GARS1: variants seen among roughly 807,000 people sequenced by gnomAD.
The protein encoded by GARS1 is glycyl-tRNA synthetase 1.
In GARS1, 46 loss-of-function variants were observed where a neutral mutation model predicts 86.4. The observed-to-expected ratio is 0.53, with a 90% CI of 0.42 to 0.68. The LOEUF (loss-of-function observed/expected upper bound fraction) is 0.68. GARS1 is among the 30% of genes least tolerant of loss of function. GARS1 has a pLI of 0.00. For missense variants in GARS1, 797 were observed against 915.6 expected (o/e 0.87, Z 1.67); for synonymous variants, 342 against 329.8 (o/e 1.04, Z -0.40).
chr7:30,612,836 G>T lies in GARS1; in HGVS notation c.1031+591G>T, dbSNP rs1404534172. On this transcript the variant is annotated intron_variant, in intron 8 of 16. Transcript: ENST00000389266. Reference sequence around the variant, plus strand: ...CCTACTTTTGTCTGATCTATCCAGGGATGTGTGGGAAGGCATATTGGGGCT... The same window carrying T: ...CCTACTTTTGTCTGATCTATCCAGGTATGTGTGGGAAGGCATATTGGGGCT... 4.6e-5 allele frequency among the ~76,000 whole-genome samples: 7 copies of T among 152,272 alleles called. No individual in the cohort carries two copies. In the East Asian group the frequency reaches 1.2e-3, roughly 25 times the overall value.
intron 16 of GARS1, 92 bp from the exon 17 acceptor site, chr7:30,633,643 T>C: frequency 6.8e-7 from 1 of 1,468,768 alleles, no homozygotes; most frequent in Non-Finnish European, 9.5e-7. Flanking sequence ...ATTGTTTGGC[T>C]CTGTGTAAGG....
chr7:30,603,361 G>T, intron 5 of GARS1, 135 bp from the exon 6 acceptor site: 1 of 794,276 alleles, frequency 1.3e-6, no homozygotes, highest in Non-Finnish European at 2.1e-6. Flanking sequence ...GACTGCTGTT[G>T]TAAAATCAAC....
rs888805042 is a variant in GARS1 at position 30,600,040 on chromosome 7, A to G, written c.418A>G (p.Ile140Val). The change falls in exon 3 of 17, where the codon ATT becomes GTT. Residue 140 changes from isoleucine to valine, a missense_variant. Physicochemically the swap from Ile to Val is conservative, Grantham distance 29 (BLOSUM62 3). Coordinates refer to ENST00000389266, the MANE Select transcript of GARS1 (RefSeq NM_002047.4). ...RRFFYDQAFA[I>V]YGGVSGLYDF... ...GTTTTTCTATGATCAAGCTTTTGCT[A>G]TTTATGGAGGTAAGGGATTAATGAC... is the stretch of plus-strand genomic sequence containing the variant. 4 of 1,609,710 alleles carry G rather than the reference A, an allele frequency of 2.5e-6. No homozygotes were observed. Among genetic ancestry groups the G allele is most frequent in the African/African-American group, 2.7e-5 (2 of 74,862 alleles).
chr7:30,617,353 G>A (rs1263233806), intron 10 of GARS1, 75 bp downstream of exon 10: 13 of 1,507,508 alleles, frequency 8.6e-6, no homozygotes, highest in Non-Finnish European at 9.1e-7. Context: ...GAATTTTTGT[G>A]CACTTTATGT....
intron 7 of GARS1, among the ~76,000 whole-genome samples, chr7:30,611,855 T>G (rs941774932): frequency 3.3e-5 from 5 of 152,192 alleles, no homozygotes; most frequent in Non-Finnish European, 5.9e-5. Context: ...CTGGTGTAAT[T>G]AAATGAAATG....
chr7:30,621,979 G>A, intron 11 of GARS1: 1 of 378,072 alleles, frequency 2.6e-6, no homozygotes. Flanking sequence ...ATTTCTTAGG[G>A]GTAGGTCAGT....
intron 8 of GARS1, among the ~76,000 whole-genome samples, chr7:30,612,575 G>A (rs1305476640): frequency 7.0e-6 from 1 of 142,010 alleles, no homozygotes; most frequent in Non-Finnish European, 1.5e-5. Flanking sequence ...GGCAATACTG[G>A]CAATGGTGAT....
chr7:30,611,426 G>C (rs938099652), intron 7 of GARS1, among the ~76,000 whole-genome samples: 11 of 152,184 alleles, frequency 7.2e-5, no homozygotes, highest in Non-Finnish European at 1.2e-4. Flanking sequence ...CTGCCTCCAT[G>C]TACATGATGA....
rs1791554334 is a variant in GARS1, at chr7:30,609,595, A to G, written c.746A>G (p.Tyr249Cys). 1.2e-6 allele frequency: 2 copies of G among 1,612,976 alleles called. No individual in the cohort carries two copies. The highest frequency in any genetic ancestry group is 8.5e-7 in the Non-Finnish European group (1 of 1,179,168). ...MESVLAQLDN[Y>C]GQQELADLFV... ...TTATATGTCTTTTAGCTTGATAACT[A>G]TGGACAGCAAGAACTTGCGGATCTT... Residue 249 changes from tyrosine to cysteine, a missense_variant, in exon 7 of 17, where the codon TAT becomes TGT. Physicochemically the swap from Tyr to Cys is radical, Grantham distance 194. Around this residue, in one of 2 missense-constraint regions of GARS1, gnomAD observed 598 missense variants for 738.7 expected, o/e 0.81. Transcript: ENST00000389266.
chr7:30,618,286 C>T (rs557496436), intron 10 of GARS1, among the ~76,000 whole-genome samples: 17 of 152,188 alleles, frequency 1.1e-4, no homozygotes, highest in African/African-American at 4.1e-4. Flanking sequence ...CTTTATGAGT[C>T]TCTGTCACAT....
intron 8 of GARS1, among the ~76,000 whole-genome samples, chr7:30,615,022 T>C (rs2128134342): frequency 6.6e-6 from 1 of 152,320 alleles, no homozygotes; most frequent in Admixed American, 6.5e-5. Flanking sequence ...GAAGAGAGAT[T>C]GATTTTGACT....
At chr7:30,631,640 A>G (rs940305890) in intron 15 of GARS1, 99 bp downstream of exon 15, 2 of 801,412 alleles carry the variant, frequency 2.5e-6, no homozygotes, top group African/African-American at 3.5e-5. Context: ...TAGACTGAAT[A>G]AAGAATATAA....
rs149478301 is a variant in GARS1, at chr7:30,611,514, C to T, written c.882-582C>T. Among the ~76,000 whole-genome samples the T allele has an allele frequency of 4.5e-4, 69 of 152,152 alleles. No homozygotes were observed. In the East Asian group the frequency reaches 0.013, roughly 29 times the overall value. ...GTTTGTTTGTTTTGAGATGGAGTTT[C>T]GCTCTTGTTGCCCAGGCTGGAGTGC... On this transcript the variant is annotated intron_variant, in intron 7 of 16. Transcript: ENST00000389266.
chr7:30,597,170 A>G (rs1162203968), intron 1 of GARS1, among the ~76,000 whole-genome samples: 1 of 152,172 alleles, frequency 6.6e-6, no homozygotes, highest in African/African-American at 2.4e-5. Flanking sequence ...ATATTAACAA[A>G]CGTGGATTTT....
intron 4 of GARS1, among the ~76,000 whole-genome samples, chr7:30,602,495 G>T (rs1043395433): frequency 6.6e-6 from 1 of 152,242 alleles, no homozygotes; most frequent in Non-Finnish European, 1.5e-5. Context: ...AGCCAATGAA[G>T]AGGAGGAATT....
chr7:30,631,715 G>T (rs1365210264), intron 15 of GARS1, among the ~76,000 whole-genome samples, 174 bp downstream of exon 15: 1 of 152,180 alleles, frequency 6.6e-6, no homozygotes, highest in South Asian at 2.1e-4. Flanking sequence ...GGATATGCTT[G>T]CTCAGATGTT....
At chr7:30,625,415 G>T (rs1011767184) in intron 12 of GARS1, among the ~76,000 whole-genome samples, 2 of 152,188 alleles carry the variant, frequency 1.3e-5, no homozygotes, top group African/African-American at 4.8e-5. Flanking sequence ...TGAGGCATGA[G>T]ATTATCACAG....
At position 30,598,784 on chromosome 7, in the gene GARS1, T is replaced by C. The variant is rs1244817252; in HGVS notation, c.223-12T>C. ...AAACCAATCCTGAATATAAATTCTC[T>C]TTCTTGGCTAGGGAGATCTTGTGCG... On this transcript the variant is annotated splice_polypyrimidine_tract_variant and intron_variant, in intron 1 of 16. Coordinates refer to ENST00000389266, the MANE Select transcript of GARS1 (RefSeq NM_002047.4). 4 of 1,605,322 alleles carry C rather than the reference T, an allele frequency of 2.5e-6. No individual in the cohort carries two copies. The highest frequency in any genetic ancestry group is 3.4e-6 in the Non-Finnish European group (4 of 1,171,974).
intron 10 of GARS1, among the ~76,000 whole-genome samples, chr7:30,620,336 G>T (rs1361173805): frequency 6.6e-6 from 1 of 152,102 alleles, no homozygotes; most frequent in African/African-American, 2.4e-5. Context: ...GAGAGATCAG[G>T]GTGCCAGCAT....
Sources: allele counts gnomAD v4.1 joint callset (sites outside exome capture counted in the v4.1 genomes callset), GRCh38; gene constraint gnomAD v4.1.1; regional missense constraint gnomAD v4.1.1; transcripts MANE v1.5; gene names NCBI Gene and HGNC (gene_info 2026-07-23, HGNC 2026-07-21).